Variants in ZNF695 observed in about 807,000 individuals in gnomAD.
The protein encoded by ZNF695 is zinc finger protein 695, also known as zinc finger protein SBZF3.
A neutral mutation model predicts 11.2 loss-of-function variants in ZNF695; 11 were observed. The observed-to-expected ratio is 0.98, with a 90% CI of 0.62 to 1.62. ZNF695 has a LOEUF of 1.62. ZNF695 is among the 40% of genes most tolerant of loss of function. The probability of loss-of-function intolerance (pLI) is 0.00; values close to 1 mark genes in which losing one functional copy is unlikely to be tolerated. For missense variants in ZNF695, 559 were observed against 590.5 expected, an observed-to-expected ratio of 0.95 and a Z score of 0.55; for synonymous variants, 190 against 201.4, an observed-to-expected ratio of 0.94 and a Z score of 0.48.
At chr1:246,996,038 T>C (rs981142324) in intron 3 of ZNF695, 1 of 453,816 alleles carries the variant, frequency 2.2e-6, no homozygotes, top group African/African-American at 2.0e-5. Context: ...AATGAATGGT[T>C]AAATATAATT....
At position 246,976,789 on chromosome 1, in the gene ZNF695, G is replaced by A. The variant is rs142856965; in HGVS notation, c.391-8997C>T. Among the ~76,000 whole-genome samples the A allele has an allele frequency of 2.3e-3, 346 of 151,092 alleles. 1 individual carries two copies. Among genetic ancestry groups the A allele is most frequent in the African/African-American group, 6.4e-3 (261 of 41,040 alleles). ...AGCCTGGGCGACAGAGCGAAACTCC[G>A]TCTCAAATAAATAAATAAATAAATA... On this transcript the variant is annotated intron_variant, in intron 4 of 5. Transcript: ENST00000487338.
chr1:246,966,497 C>G (rs1292826016), intron 5 of ZNF695, among the ~76,000 whole-genome samples: 3 of 151,616 alleles, frequency 2.0e-5, no homozygotes, highest in African/African-American at 4.8e-5. Context: ...AAAAAAAATT[C>G]AAAGTGAGAC....
intron 5 of ZNF695, among the ~76,000 whole-genome samples, chr1:246,962,748 A>G (rs1668193043): frequency 2.0e-5 from 3 of 150,916 alleles, no homozygotes; most frequent in Admixed American, 2.0e-4. Context: ...GCTGCAGTAC[A>G]GTGGCACGAT....
Position 246,987,061 on chromosome 1 carries a change from A to G in ZNF695, c.1454T>C (p.Ile485Thr), listed in dbSNP as rs767810617. Residue 485 changes from isoleucine to threonine, a missense_variant, in exon 4 of 4, where the codon ATT becomes ACT. Coordinates refer to ENST00000339986, the MANE Select transcript of ZNF695 (RefSeq NM_020394.5). ...CTTGTATGGTTTCTCTCTGGTATGAATTGTCTTATGTTTAGAAAGGTGTGA... is the reference window on the plus strand; with the variant it reads ...CTTGTATGGTTTCTCTCTGGTATGAGTTGTCTTATGTTTAGAAAGGTGTGA... ...QSSHLSKHKT[I>T]HTREKPYKCE... 1 of 1,613,920 alleles carries G rather than the reference A, an allele frequency of 6.2e-7. No homozygotes were observed. Among genetic ancestry groups the G allele is most frequent in the South Asian group, 1.1e-5 (1 of 91,062 alleles).
At chr1:246,971,098 T>A (rs1668412942) in intron 4 of ZNF695, among the ~76,000 whole-genome samples, 1 of 152,196 alleles carries the variant, frequency 6.6e-6, no homozygotes, top group South Asian at 2.1e-4. Flanking sequence ...CTGTTATTTA[T>A]TGGCTACAAG....
chr1:246,986,537 T>C lies in ZNF695; in HGVS notation c.*430A>G. On this transcript the variant is annotated 3_prime_UTR_variant, in exon 4 of 4. Transcript: ENST00000339986. ...CTATGAATTCTTGGATGTGTTTTGA[T>C]GTAATTTTTGATTAGACATTTTTTC... 1.0e-6 allele frequency: 1 copy of C among 990,668 alleles called. No homozygotes were observed. The highest frequency in any genetic ancestry group is 1.2e-6 in the Non-Finnish European group (1 of 833,458). The allele number at this position is 990,668 out of a possible 1,614,324, so 61.4% of individuals were successfully genotyped here.
intron 1 of ZNF695, among the ~76,000 whole-genome samples, chr1:247,002,051 A>G (rs11805112): frequency 0.033 from 4,975 of 152,190 alleles, 273 homozygotes; most frequent in African/African-American, 0.11. Flanking sequence ...TCACCTGCAC[A>G]TGGCATATAT....
At chr1:246,950,360 T>C (rs573535537) in intron 5 of ZNF695, among the ~76,000 whole-genome samples, 51 of 152,186 alleles carry the variant, frequency 3.4e-4, no homozygotes, top group African/African-American at 1.2e-3. Context: ...TTAAAAATAA[T>C]CCACCCAGGC....
chr1:246,992,772 A>G (rs1669079459), intron 3 of ZNF695, among the ~76,000 whole-genome samples: 2 of 152,182 alleles, frequency 1.3e-5, no homozygotes, highest in African/African-American at 4.8e-5. Context: ...CACAAGCCCC[A>G]TAGAATGGAA....
rs902743433 is a variant in ZNF695, at chr1:246,986,073, G to GTTA, written c.*891_*893dup. 4.9e-5 allele frequency: 48 copies of GTTA among 972,734 alleles called. No individual in the cohort carries two copies. The highest frequency in any genetic ancestry group is 3.9e-4 in the African/African-American group (22 of 56,958). 60.3% of individuals were successfully genotyped at this position (972,734 alleles called of 1,614,324 possible). ...ACCGAGTATACTTTATTATTATGTT[G>GTTA]TTATTATTATTATTGAGAAAGGGTC... On this transcript the variant is annotated 3_prime_UTR_variant, in exon 4 of 4. Transcript: ENST00000339986.
rs777223741 is a variant in ZNF695, at chr1:246,987,824, T to C, written c.691A>G (p.Lys231Glu). 1.2e-6 allele frequency: 2 copies of C among 1,611,914 alleles called. No individual in the cohort carries two copies. The highest frequency in any genetic ancestry group is 1.1e-5 in the South Asian group (1 of 90,528). The change falls in exon 4 of 4, where the codon AAG (lysine) becomes GAG (glutamate). Residue 231 changes from lysine (K) to glutamate (E), a missense_variant. Physicochemically the swap from Lys to Glu is moderately conservative, Grantham distance 56 (BLOSUM62 1). Coordinates refer to ENST00000339986, the MANE Select transcript of ZNF695 (RefSeq NM_020394.5). ...TGTTTCTCTCCAACATGAATTCTCT[T>C]ACAGTCAGTAAAGCATGAGCACTCA... Reference protein sequence around the residue: ...FNECSCFTDCKRIHVGEKHCK... With the variant: ...FNECSCFTDCERIHVGEKHCK...
intron 3 of ZNF695, among the ~76,000 whole-genome samples, chr1:246,998,579 A>T (rs1044708912): frequency 2.0e-5 from 3 of 152,240 alleles, no homozygotes; most frequent in African/African-American, 7.2e-5. Context: ...AGGAGAAAAT[A>T]TACATCCGTT....
chr1:246,984,565 G>A (rs564291222), downstream of ZNF695, among the ~76,000 whole-genome samples: 14 of 152,210 alleles, frequency 9.2e-5, no homozygotes, highest in Middle Eastern at 3.4e-3. Context: ...CTGGCACTGC[G>A]TTATGTTTCT....
chr1:246,979,751 T>G (rs1668656842), intron 4 of ZNF695: 1 of 152,766 alleles, frequency 6.5e-6, no homozygotes, highest in Non-Finnish European at 1.5e-5. Context: ...TTCTTTAAAA[T>G]GAATTATCCC....
intron 5 of ZNF695, among the ~76,000 whole-genome samples, chr1:246,952,052 G>A (rs962277735): frequency 1.3e-5 from 2 of 152,170 alleles, no homozygotes; most frequent in Non-Finnish European, 2.9e-5. Context: ...AGGCTCAGGC[G>A]ATTCTCCCAC....
At chr1:246,999,836 A>G (rs1669311246) in intron 2 of ZNF695, 76 bp downstream of exon 2, 3 of 1,425,356 alleles carry the variant, frequency 2.1e-6, no homozygotes, top group Non-Finnish European at 2.9e-6. Context: ...TCTTGAAAGC[A>G]GTGATGTGAA....
intron 1 of ZNF695, among the ~76,000 whole-genome samples, chr1:247,001,875 C>T (rs1388558524): frequency 1.3e-5 from 2 of 152,076 alleles, no homozygotes; most frequent in African/African-American, 2.4e-5. Context: ...TGAACAGACA[C>T]AGATAACCAT....
intron 1 of ZNF695, among the ~76,000 whole-genome samples, chr1:247,005,413 C>T (rs992101071): frequency 2.0e-5 from 3 of 152,084 alleles, no homozygotes; most frequent in African/African-American, 4.8e-5. Flanking sequence ...ACCCCTTGGC[C>T]GGGTGTGGTG....
intron 1 of ZNF695, among the ~76,000 whole-genome samples, chr1:247,000,292 G>C (rs905419787): frequency 6.6e-6 from 1 of 152,090 alleles, no homozygotes; most frequent in Non-Finnish European, 1.5e-5. Flanking sequence ...GGATCACCAG[G>C]TCAGGAGTTC....
Sources: gnomAD v4.1 joint callset for allele counts (sites outside exome capture counted in the v4.1 genomes callset) on GRCh38, gnomAD v4.1.1 for gene constraint, MANE v1.5 for transcripts, NCBI Gene and HGNC (gene_info 2026-07-23, HGNC 2026-07-21) for gene names.